Variants in LAMA1 observed in about 807,000 individuals in gnomAD.
LAMA1 encodes laminin subunit alpha-1.
In LAMA1, 219 loss-of-function variants were observed where a neutral mutation model predicts 348.7. That is an observed-to-expected ratio of 0.63 (90% CI 0.56 to 0.70). LAMA1 has a LOEUF of 0.70. Ranked by LOEUF, LAMA1 falls within the 30% of genes least tolerant of loss-of-function variation. The pLI is 0.00. For missense variants in LAMA1, 3,744 were observed against 3,888.0 expected, an observed-to-expected ratio of 0.96 and a Z score of 0.99; for synonymous variants, 1,487 against 1,491.0, an observed-to-expected ratio of 1.00 and a Z score of 0.06.
Position 7,013,991 on chromosome 18 carries a change from A to C in LAMA1, c.3187T>G (p.Cys1063Gly), listed in dbSNP as rs771415427. 1 of 1,614,036 alleles carries C rather than the reference A, an allele frequency of 6.2e-7. No homozygotes were observed. The highest frequency in any genetic ancestry group is 1.1e-5 in the South Asian group (1 of 91,012). Residue 1063 changes from cysteine to glycine, a missense_variant, in exon 23 of 63, where the codon TGC becomes GGC. Transcript: ENST00000389658. ...CCACCAAATTTTGACTTGCACTGGC[A>C]ATGGCCGGTGACCACATCGCACCGA... ...HHRCDVVTGH[C>G]QCKSKFGGRA...
At chr18:7,071,742 G>C (rs1397263534) in intron 3 of LAMA1, among the ~76,000 whole-genome samples, 1 of 152,240 alleles carries the variant, frequency 6.6e-6, no homozygotes, top group Non-Finnish European at 1.5e-5. Flanking sequence ...GAGGGTCAGA[G>C]TGGTGCAATG....
intron 60 of LAMA1, 142 bp downstream of exon 60, chr18:6,948,261 T>C: frequency 8.8e-7 from 1 of 1,137,326 alleles, no homozygotes; most frequent in Non-Finnish European, 1.3e-6. Flanking sequence ...GCCAAGAAAT[T>C]AGGAATCAAC....
chr18:6,949,080 A>T, intron 59 of LAMA1, 21 bp downstream of exon 59: 1 of 1,614,142 alleles, frequency 6.2e-7, no homozygotes, highest in Non-Finnish European at 8.5e-7. Context: ...GTAAAATGTC[A>T]GTATGGAAAA....
chr18:6,948,044 G>C (rs541829373), intron 60 of LAMA1, among the ~76,000 whole-genome samples: 3 of 152,312 alleles, frequency 2.0e-5, no homozygotes, highest in African/African-American at 7.2e-5. Flanking sequence ...AGCCTCCCTG[G>C]CGCCAGCTGG....
chr18:7,055,453 C>CAAAA (rs57670126), intron 3 of LAMA1, among the ~76,000 whole-genome samples: 2 of 61,748 alleles, frequency 3.2e-5, no homozygotes, highest in Non-Finnish European at 6.6e-5. Flanking sequence ...AACTCCGTCT[C>CAAAA]AAAAAAAAAA....
intron 61 of LAMA1, among the ~76,000 whole-genome samples, chr18:6,945,395 C>G (rs991272894): frequency 6.6e-6 from 1 of 152,154 alleles, no homozygotes; most frequent in African/African-American, 2.4e-5. Context: ...TCCCCACCCC[C>G]ACTCTAGGAT....
intron 41 of LAMA1, 137 bp from the exon 42 acceptor site, chr18:6,980,774 C>T: frequency 1.6e-6 from 1 of 639,654 alleles, no homozygotes; most frequent in Non-Finnish European, 2.8e-6. Flanking sequence ...GTTTTTCCAG[C>T]AAGACTGAGC....
In LAMA1 at chr18:7,008,569, T is replaced by C. The variant is rs779616028; in HGVS notation, c.4041A>G (p.Glu1347=). 1 of 1,614,098 alleles carries C rather than the reference T, an allele frequency of 6.2e-7. No individual in the cohort carries two copies. Among genetic ancestry groups the C allele is most frequent in the Non-Finnish European group, 8.5e-7 (1 of 1,179,990 alleles). Residue 1347 remains glutamate, a synonymous_variant, in exon 28 of 63, where the codon GAA becomes GAG. Transcript: ENST00000389658. ...CAACCTCTTCTTCTGGGTGCAGCTT[T>C]TCAGCCTTTCTGCCAACCTCCATTG... The part of the protein sequence containing the change: ...DISMEVGRKA[E]KLHPEEEVAS...
chr18:7,026,760 G>A (rs1300231444), intron 16 of LAMA1, among the ~76,000 whole-genome samples: 3 of 152,162 alleles, frequency 2.0e-5, no homozygotes, highest in African/African-American at 7.2e-5. Flanking sequence ...CACTTTGGGA[G>A]GCCAAGGCAG....
intron 50 of LAMA1, 22 bp downstream of exon 50, chr18:6,965,266 G>C: frequency 6.2e-7 from 1 of 1,614,064 alleles, no homozygotes; most frequent in Non-Finnish European, 8.5e-7. Context: ...CCGACATCTG[G>C]TGAGTCCATC....
chr18:7,092,508 G>A (rs756127801), intron 1 of LAMA1, among the ~76,000 whole-genome samples: 44 of 151,694 alleles, frequency 2.9e-4, no homozygotes, highest in Admixed American at 3.3e-4. Flanking sequence ...CACTGTAGTC[G>A]CCGCTACTCG....
At chr18:6,978,770 C>T (rs189262775) in intron 42 of LAMA1, among the ~76,000 whole-genome samples, 2 of 152,296 alleles carry the variant, frequency 1.3e-5, no homozygotes, top group East Asian at 3.9e-4. Context: ...TCCATCACTC[C>T]TTTCTCAGCT....
At chr18:6,958,331 C>A in intron 55 of LAMA1, 146 bp downstream of exon 55, 2 of 782,878 alleles carry the variant, frequency 2.6e-6, no homozygotes, top group Non-Finnish European at 4.4e-6. Flanking sequence ...GGGAGACTTA[C>A]ATGATAGAAC....
chr18:7,005,394 C>T (rs1020367311), intron 29 of LAMA1, among the ~76,000 whole-genome samples: 5 of 152,184 alleles, frequency 3.3e-5, no homozygotes, highest in African/African-American at 1.2e-4. Context: ...CCCATTGTTG[C>T]AGGTGTGTAA....
intron 59 of LAMA1, 70 bp downstream of exon 59, chr18:6,949,030 AG>A (rs2057534426): frequency 6.4e-7 from 1 of 1,572,572 alleles, no homozygotes; most frequent in Non-Finnish European, 8.7e-7. Flanking sequence ...AGATGCCGTG[AG>A]GTATGCTCTT....
intron 1 of LAMA1, among the ~76,000 whole-genome samples, chr18:7,113,535 G>T (rs2058343876): frequency 6.6e-6 from 1 of 152,124 alleles, no homozygotes; most frequent in African/African-American, 2.4e-5. Context: ...ATGAAGGAAA[G>T]TAAGTCACAT....
At chr18:6,978,821 T>C (rs1035485234) in intron 42 of LAMA1, among the ~76,000 whole-genome samples, 1 of 152,162 alleles carries the variant, frequency 6.6e-6, no homozygotes, top group African/African-American at 2.4e-5. Flanking sequence ...GTCTGGATAA[T>C]AAGGATTTGG....
At chr18:7,112,704 T>C (rs1319065831) in intron 1 of LAMA1, among the ~76,000 whole-genome samples, 1 of 151,628 alleles carries the variant, frequency 6.6e-6, no homozygotes, top group South Asian at 2.1e-4. Context: ...TGGCACGATC[T>C]CGGCTCACCA....
intron 19 of LAMA1, among the ~76,000 whole-genome samples, 160 bp from the exon 20 acceptor site, chr18:7,017,544 T>C (rs1252155510): frequency 1.3e-5 from 2 of 152,236 alleles, no homozygotes; most frequent in East Asian, 3.8e-4. Context: ...GTTTAGCATT[T>C]TTCTGAAGAG....
Sources: allele counts gnomAD v4.1 joint callset (sites outside exome capture counted in the v4.1 genomes callset), GRCh38; gene constraint gnomAD v4.1.1; transcripts MANE v1.5; gene names NCBI Gene and HGNC (gene_info 2026-07-23, HGNC 2026-07-21).